Variants in SEMA5A observed in about 807,000 individuals in gnomAD.
SEMA5A encodes semaphorin-5A.
SEMA5A carries 55 observed loss-of-function variants against 135.5 expected under a neutral mutation model. That is an observed-to-expected ratio of 0.41 (90% CI 0.33 to 0.51). The LOEUF (loss-of-function observed/expected upper bound fraction) is 0.51, where lower values mean the gene tolerates loss of function less well. SEMA5A is among the 20% of genes least tolerant of loss of function. The pLI is 0.37. For synonymous variants in SEMA5A, 580 were observed against 546.5 expected (o/e 1.06, Z -0.85); for missense variants, 1,290 against 1,419.9 (o/e 0.91, Z 1.47).
chr5:9,412,230 T>C (rs570701803), intron 2 of SEMA5A, among the ~76,000 whole-genome samples: 1 of 152,020 alleles, frequency 6.6e-6, no homozygotes, highest in Admixed American at 6.6e-5. Flanking sequence ...GAAAAATCAG[T>C]CTTATCATGG....
chr5:9,054,117 C>T lies in SEMA5A; in HGVS notation c.2659G>A (p.Glu887Lys), dbSNP rs1325959741. The T allele has an allele frequency of 6.2e-7, 1 of 1,612,948 alleles. No individual in the cohort carries two copies. Among genetic ancestry groups the T allele is most frequent in the Non-Finnish European group, 8.5e-7 (1 of 1,179,632 alleles). Residue 887 changes from glutamate to lysine, a missense_variant, in exon 19 of 23, where the codon GAG (glutamate) becomes AAG (lysine). This residue lies in a region of SEMA5A where 1,029 missense variants were observed against 1,086.6 expected (regional missense o/e 0.95). Transcript: ENST00000382496. ...GDICLGLHTE[E>K]ALCNTQPCPE... ...CAGGGCTGCGTGTTGCAGAGTGCCT[C>T]TTCTGTGTGCAGCCCCAGGCAGATG...
chr5:9,136,669 A>G, intron 12 of SEMA5A, 48 bp from the exon 13 acceptor site: 1 of 1,495,442 alleles, frequency 6.7e-7, no homozygotes, highest in Non-Finnish European at 9.3e-7. Context: ...TTTACCCATG[A>G]TAAGATACAC....
At chr5:9,226,246 AG>A (rs1747304597) in intron 7 of SEMA5A, among the ~76,000 whole-genome samples, 1 of 152,218 alleles carries the variant, frequency 6.6e-6, no homozygotes, top group Non-Finnish European at 1.5e-5. Context: ...ATATTCCCAG[AG>A]GAAGGTTGCA....
At chr5:9,076,964 T>G (rs563093432) in intron 16 of SEMA5A, among the ~76,000 whole-genome samples, 13 of 151,960 alleles carry the variant, frequency 8.6e-5, no homozygotes, top group Admixed American at 3.9e-4. Context: ...TCTAATCAGT[T>G]TCTTTGGTCA....
chr5:9,350,790 A>C (rs1754079363), intron 3 of SEMA5A, among the ~76,000 whole-genome samples: 1 of 152,226 alleles, frequency 6.6e-6, no homozygotes, highest in South Asian at 2.1e-4. Context: ...CTCAGGATTT[A>C]TACACAGTCT....
At chr5:9,533,307 G>C (rs1737561630) in intron 1 of SEMA5A, among the ~76,000 whole-genome samples, 1 of 152,166 alleles carries the variant, frequency 6.6e-6, no homozygotes, top group African/African-American at 2.4e-5. Context: ...ACATTGGCTT[G>C]CTCCTCTGGA....
chr5:9,363,072 G>C (rs550032308), intron 3 of SEMA5A, among the ~76,000 whole-genome samples: 78 of 152,258 alleles, frequency 5.1e-4, no homozygotes, highest in African/African-American at 1.8e-3. Flanking sequence ...GGACTCTAAA[G>C]TACATTTCAA....
At chr5:9,150,959 C>A (rs1375500709) in intron 12 of SEMA5A, among the ~76,000 whole-genome samples, 3 of 152,142 alleles carry the variant, frequency 2.0e-5, no homozygotes, top group African/African-American at 4.8e-5. Context: ...TGTACCGGGG[C>A]AGCAGAAACA....
At chr5:9,061,582 C>T (rs1038971684) in intron 18 of SEMA5A, among the ~76,000 whole-genome samples, 1 of 152,088 alleles carries the variant, frequency 6.6e-6, no homozygotes, top group African/African-American at 2.4e-5. Context: ...GTTTTAGGTG[C>T]TAGGGACCCT....
chr5:9,425,238 A>G (rs1475589792), intron 2 of SEMA5A, among the ~76,000 whole-genome samples: 2 of 152,064 alleles, frequency 1.3e-5, no homozygotes, highest in Admixed American at 6.5e-5. Flanking sequence ...TACTTTTTTT[A>G]TTTATTGTGA....
intron 2 of SEMA5A, among the ~76,000 whole-genome samples, chr5:9,393,128 G>A (rs753051790): frequency 6.6e-6 from 1 of 152,126 alleles, no homozygotes; most frequent in Non-Finnish European, 1.5e-5. Context: ...TTACAATAAA[G>A]GTCTCCATGG....
At chr5:9,288,767 A>G (rs1750924138) in intron 5 of SEMA5A, among the ~76,000 whole-genome samples, 1 of 152,208 alleles carries the variant, frequency 6.6e-6, no homozygotes, top group Non-Finnish European at 1.5e-5. Context: ...AGTGGCTGGA[A>G]CCAAAATGTA....
intron 8 of SEMA5A, among the ~76,000 whole-genome samples, chr5:9,215,785 TTTC>T (rs368617640): frequency 5.9e-5 from 9 of 152,302 alleles, no homozygotes; most frequent in African/African-American, 2.2e-4. Context: ...TCTTCTTTCT[TTTC>T]TTCTTTATTA....
At chr5:9,288,922 A>G (rs1750933005) in intron 5 of SEMA5A, among the ~76,000 whole-genome samples, 1 of 152,234 alleles carries the variant, frequency 6.6e-6, no homozygotes, top group Admixed American at 6.5e-5. Flanking sequence ...AAACAAAAAC[A>G]AAAGTATTTT....
intron 6 of SEMA5A, among the ~76,000 whole-genome samples, chr5:9,228,345 A>T (rs549701548): frequency 3.3e-5 from 5 of 152,322 alleles, no homozygotes; most frequent in African/African-American, 7.2e-5. Context: ...TTTACTGAGC[A>T]AAGGAGGGAA....
At chr5:9,319,893 A>G (rs1752550017) in intron 4 of SEMA5A, among the ~76,000 whole-genome samples, 1 of 151,996 alleles carries the variant, frequency 6.6e-6, no homozygotes, top group South Asian at 2.1e-4. Flanking sequence ...AGTGACAGCC[A>G]AAGAGGCCCA....
intron 16 of SEMA5A, among the ~76,000 whole-genome samples, chr5:9,094,871 C>G (rs569497421): frequency 3.3e-4 from 50 of 152,088 alleles, no homozygotes; most frequent in African/African-American, 9.6e-4. Context: ...TTATAAAATA[C>G]TGTAGGAATG....
At chr5:9,195,779 C>T (rs1189953466) in intron 10 of SEMA5A, among the ~76,000 whole-genome samples, 2 of 152,208 alleles carry the variant, frequency 1.3e-5, no homozygotes, top group African/African-American at 4.8e-5. Context: ...TTGAATGGTC[C>T]TTGCAAAAAT....
chr5:9,154,816 A>G, intron 11 of SEMA5A, 121 bp from the exon 12 acceptor site: 2 of 849,794 alleles, frequency 2.4e-6, no homozygotes, highest in South Asian at 1.6e-5. Context: ...CCATCTGAGC[A>G]TCCTTCAAAA....
Sources: gnomAD v4.1 joint callset for allele counts (sites outside exome capture counted in the v4.1 genomes callset) on GRCh38, gnomAD v4.1.1 for gene constraint, gnomAD v4.1.1 regional missense constraint, MANE v1.5 for transcripts, NCBI Gene and HGNC (gene_info 2026-07-23, HGNC 2026-07-21) for gene names.